Variants in NUDCD1 observed in about 807,000 individuals in gnomAD.
NUDCD1 encodes nudC domain-containing protein 1.
NUDCD1 carries 60 observed loss-of-function variants against 67.8 expected under a neutral mutation model. That is an observed-to-expected ratio of 0.88 (90% confidence interval 0.72 to 1.10). The LOEUF (loss-of-function observed/expected upper bound fraction) is 1.10, where lower values mean the gene tolerates loss of function less well. Ranked by LOEUF, NUDCD1 falls within the 50% of genes least tolerant of loss-of-function variation. The probability of loss-of-function intolerance (pLI) is 0.00; values close to 1 mark genes in which losing one functional copy is unlikely to be tolerated. For missense variants in NUDCD1, 643 were observed against 695.0 expected, an observed-to-expected ratio of 0.93 and a Z score of 0.84; for synonymous variants, 244 against 230.8, an observed-to-expected ratio of 1.06 and a Z score of -0.52.
intron 1 of NUDCD1, among the ~76,000 whole-genome samples, 195 bp downstream of exon 1, chr8:109,333,698 G>A (rs1289116127): frequency 6.6e-6 from 1 of 152,146 alleles, no homozygotes; most frequent in Non-Finnish European, 1.5e-5. Flanking sequence ...CGTTACCGAA[G>A]AGCGCGCGAA....
Position 109,293,396 on chromosome 8 carries a change from T to C in NUDCD1, c.588A>G (p.Gly196=). The C allele has an allele frequency of 6.3e-7, 1 of 1,590,394 alleles. No individual in the cohort carries two copies. The highest frequency in any genetic ancestry group is 8.6e-7 in the Non-Finnish European group (1 of 1,168,490). ...RIEKEELDMK[G]SGFYVSLEWV... ...ACTCCAGAGAAACATAGAAACCACTTCCTTTCATATCCAATTCCTCTTTCT... is the reference window on the plus strand; with the variant it reads ...ACTCCAGAGAAACATAGAAACCACTCCCTTTCATATCCAATTCCTCTTTCT... The change falls in exon 4 of 10, where the codon GGA becomes GGG. Residue 196 remains glycine (G), a synonymous_variant. Transcript: ENST00000239690.
chr8:109,280,898 C>A, intron 6 of NUDCD1, 70 bp downstream of exon 6: 1 of 689,992 alleles, frequency 1.4e-6, no homozygotes, highest in Non-Finnish European at 2.3e-6. Context: ...CTGATGTAAC[C>A]ACTGTGGAAA....
At chr8:109,251,346 T>C (rs890542826) in intron 8 of NUDCD1, among the ~76,000 whole-genome samples, 1 of 151,906 alleles carries the variant, frequency 6.6e-6, no homozygotes, top group African/African-American at 2.4e-5. Context: ...TTAATTTTTG[T>C]ATTTTTAGTA....
chr8:109,299,859 C>T (rs1039063811), intron 2 of NUDCD1, among the ~76,000 whole-genome samples: 7 of 152,308 alleles, frequency 4.6e-5, no homozygotes, highest in East Asian at 1.9e-4. Context: ...TTTCACCCCG[C>T]TGACACCTCC....
intron 2 of NUDCD1, chr8:109,315,638 A>G (rs1414779965): frequency 6.6e-6 from 1 of 152,162 alleles, no homozygotes; most frequent in South Asian, 2.1e-4. Context: ...AAGGGTATGA[A>G]TAAGGGTATA....
chr8:109,263,644 CTG>C (rs1244956100), intron 8 of NUDCD1, among the ~76,000 whole-genome samples: 1 of 152,110 alleles, frequency 6.6e-6, no homozygotes, highest in African/African-American at 2.4e-5. Flanking sequence ...AGTGCTGTTA[CTG>C]TGTGAGTGGC....
chr8:109,244,940 T>G (rs1211445536), intron 9 of NUDCD1, among the ~76,000 whole-genome samples: 1 of 152,222 alleles, frequency 6.6e-6, no homozygotes, highest in Non-Finnish European at 1.5e-5. Flanking sequence ...GGGAATTCTA[T>G]GATGTTTCTG....
intron 2 of NUDCD1, among the ~76,000 whole-genome samples, chr8:109,298,147 TAA>T (rs1814886946): frequency 6.6e-6 from 1 of 152,164 alleles, no homozygotes; most frequent in South Asian, 2.1e-4. Flanking sequence ...GAGCTCACAT[TAA>T]GTTTGTAGAA....
chr8:109,275,297 C>T, intron 7 of NUDCD1, 55 bp downstream of exon 7: 1 of 1,526,906 alleles, frequency 6.5e-7, no homozygotes, highest in Non-Finnish European at 8.9e-7. Flanking sequence ...GCATAATCTT[C>T]ACATAACATA....
chr8:109,245,215 T>C (rs371556712), intron 9 of NUDCD1, 107 bp downstream of exon 9: 3 of 1,046,488 alleles, frequency 2.9e-6, no homozygotes, highest in East Asian at 5.1e-5. Context: ...TCAATCTAAA[T>C]GTAATCAGGA....
In NUDCD1 at chr8:109,329,800, C is replaced by T. The variant is rs190785106; in HGVS notation, c.118+4093G>A. 2.2e-3 allele frequency: 3,393 copies of T among 1,549,834 alleles called. 75 individuals carry two copies. The South Asian group carries it at 0.029, about 13-fold the overall frequency. ...ATTTGTGAGACAAATTTATGTCCTA[C>T]TTACCAGGCATGCTCCAACCCTGGA... On this transcript the variant is annotated intron_variant, in intron 1 of 9. Coordinates refer to ENST00000239690, the MANE Select transcript of NUDCD1 (RefSeq NM_032869.4).
In NUDCD1 at chr8:109,241,005, C is replaced by G. The variant is rs1813354710; in HGVS notation, c.*2004G>C. On this transcript the variant is annotated 3_prime_UTR_variant, in exon 10 of 10. Coordinates refer to ENST00000239690, the MANE Select transcript of NUDCD1 (RefSeq NM_032869.4). Reference sequence around the variant, plus strand: ...AACATGATAAAAATCAACAAAAATACAAGGTACTATATTCTTAGCACTTGT... The same window carrying G: ...AACATGATAAAAATCAACAAAAATAGAAGGTACTATATTCTTAGCACTTGT... 3 of 151,942 alleles carry G rather than the reference C, an allele frequency of 2.0e-5. No homozygotes were observed. The highest frequency in any genetic ancestry group is 7.3e-5 in the African/African-American group (3 of 41,376). 9.4% of individuals were successfully genotyped at this position (151,942 alleles called of 1,614,324 possible).
chr8:109,250,292 T>A (rs1813594034), intron 8 of NUDCD1, among the ~76,000 whole-genome samples: 1 of 152,236 alleles, frequency 6.6e-6, no homozygotes, highest in African/African-American at 2.4e-5. Flanking sequence ...ATTTTGCCAC[T>A]GCCAGATGTT....
At chr8:109,274,511 T>C (rs756494795) in intron 7 of NUDCD1, among the ~76,000 whole-genome samples, 42 of 152,162 alleles carry the variant, frequency 2.8e-4, no homozygotes, top group Non-Finnish European at 5.3e-4. Flanking sequence ...GGCTATGAAA[T>C]CAAAGTTTTG....
chr8:109,329,723 T>C, intron 1 of NUDCD1: 1 of 1,278,956 alleles, frequency 7.8e-7, no homozygotes. Context: ...TCTTAAGTTG[T>C]ACATTTTAAA....
intron 2 of NUDCD1, among the ~76,000 whole-genome samples, chr8:109,309,941 A>T (rs911061079): frequency 6.6e-6 from 1 of 152,286 alleles, no homozygotes. Flanking sequence ...AAAGACCTAT[A>T]CAAGGAAAAC....
chr8:109,322,343 G>A lies in NUDCD1; in HGVS notation c.239C>T (p.Thr80Ile), dbSNP rs978083514. The change falls in exon 2 of 10, where the codon ACC becomes ATC. Residue 80 changes from threonine (T) to isoleucine (I), a missense_variant. Physicochemically the swap from Thr to Ile is moderately conservative, Grantham distance 89 (BLOSUM62 -1). Coordinates refer to ENST00000239690, the MANE Select transcript of NUDCD1 (RefSeq NM_032869.4). ...TGTTAAATTCATAATTCTTCCAAGGGTATCAATATAGTAGACACTGTCTTG... is the reference window on the plus strand; with the variant it reads ...TGTTAAATTCATAATTCTTCCAAGGATATCAATATAGTAGACACTGTCTTG... ...WYQDSVYYID[T>I]LGRIMNLTVM... is the part of the protein sequence containing the mutation. The A allele has an allele frequency of 5.8e-6, 9 of 1,559,982 alleles. No individual in the cohort carries two copies. The South Asian group carries it at 1.0e-4, about 18-fold the overall frequency.
intron 2 of NUDCD1, among the ~76,000 whole-genome samples, chr8:109,311,346 T>C (rs1280048610): frequency 6.6e-6 from 1 of 152,028 alleles, no homozygotes; most frequent in Non-Finnish European, 1.5e-5. Context: ...GTACAACCAC[T>C]ACGGAAAACA....
intron 2 of NUDCD1, among the ~76,000 whole-genome samples, chr8:109,307,554 A>G (rs1815138706): frequency 1.3e-5 from 2 of 152,244 alleles, no homozygotes; most frequent in Non-Finnish European, 2.9e-5. Flanking sequence ...TAAATCACAC[A>G]GGACCTATGA....
Sources: allele counts gnomAD v4.1 joint callset (sites outside exome capture counted in the v4.1 genomes callset), GRCh38; gene constraint gnomAD v4.1.1; transcripts MANE v1.5; gene names NCBI Gene and HGNC (gene_info 2026-07-23, HGNC 2026-07-21).